Variants in RMND5B observed in about 807,000 individuals in gnomAD.
RMND5B encodes the protein required for meiotic nuclear division 5 homolog B, also known as E3 ubiquitin-protein transferase RMND5B.
RMND5B carries 42 observed loss-of-function variants against 50.4 expected under a neutral mutation model. The observed-to-expected ratio is 0.83, with a 90% confidence interval of 0.65 to 1.08. RMND5B has a LOEUF of 1.08. Ranked by LOEUF, RMND5B falls within the 50% of genes least tolerant of loss-of-function variation. The pLI is 0.00. For missense variants in RMND5B, 463 were observed against 508.5 expected (o/e 0.91, Z 0.86); for synonymous variants, 220 against 210.0 (o/e 1.05, Z -0.41).
rs1414873806 is a variant in RMND5B at position 178,144,122 on chromosome 5, C to T, written c.694+14C>T. The T allele has an allele frequency of 6.2e-7, 1 of 1,610,252 alleles. No individual in the cohort carries two copies. Among genetic ancestry groups the T allele is most frequent in the Non-Finnish European group, 8.5e-7 (1 of 1,177,638 alleles). On this transcript the variant is annotated intron_variant, in intron 7 of 10. Coordinates refer to ENST00000313386, the MANE Select transcript of RMND5B (RefSeq NM_022762.5). ...TGCACCAGCGGGGTGAGTGCCCAGG[C>T]AGCTGGGGTTGTGCTGCCTGGCCTG...
At chr5:178,134,579 G>T (rs1405321848) in intron 2 of RMND5B, among the ~76,000 whole-genome samples, 2 of 152,198 alleles carry the variant, frequency 1.3e-5, no homozygotes, top group Non-Finnish European at 2.9e-5. Context: ...GATTCAGGCA[G>T]AGTGGCTTGC....
chr5:178,135,335 G>T, intron 2 of RMND5B: 1 of 187,770 alleles, frequency 5.3e-6, no homozygotes, highest in South Asian at 6.3e-5. Context: ...TGTTGCCCAA[G>T]CTAGTCTCAA....
At chr5:178,146,013 G>A (rs1017630724) in intron 7 of RMND5B, 101 bp from the exon 8 acceptor site, 30 of 1,242,522 alleles carry the variant, frequency 2.4e-5, no homozygotes, top group African/African-American at 9.0e-5. Flanking sequence ...GGGAGCCACC[G>A]GGCTCAGCAT....
intron 3 of RMND5B, among the ~76,000 whole-genome samples, chr5:178,139,362 C>T (rs1758792468): frequency 6.6e-6 from 1 of 151,698 alleles, no homozygotes; most frequent in African/African-American, 2.4e-5. Flanking sequence ...CATGCCACCA[C>T]CTGCAGCTAA....
At chr5:178,132,904 G>T (rs948988441) in intron 2 of RMND5B, among the ~76,000 whole-genome samples, 2 of 141,352 alleles carry the variant, frequency 1.4e-5, no homozygotes, top group African/African-American at 5.3e-5. Flanking sequence ...TCACTCTGTC[G>T]CCCAGGCTGG....
chr5:178,150,485 A>T lies in RMND5B; in HGVS notation c.*2453A>T. 2.8e-6 allele frequency: 1 copy of T among 359,120 alleles called. No homozygotes were observed. Among genetic ancestry groups the T allele is most frequent in the Non-Finnish European group, 5.5e-6 (1 of 183,252 alleles). 22.2% of individuals were successfully genotyped at this position (359,120 alleles called of 1,614,324 possible). A position where few individuals can be genotyped will look rare whatever the true frequency, so the allele number is the denominator to read the frequency against. ...AGCCTTGAACTCCTGGGTTCAAGTG[A>T]TCTCCTGCTTTAGCCTCCCAAGTGG... On this transcript the variant is annotated 3_prime_UTR_variant, in exon 11 of 11. Transcript: ENST00000313386.
chr5:178,139,102 C>T (rs1357048358), intron 3 of RMND5B, among the ~76,000 whole-genome samples: 1 of 152,104 alleles, frequency 6.6e-6, no homozygotes, highest in African/African-American at 2.4e-5. Flanking sequence ...CGCCACTGCA[C>T]TCCAACCTGG....
rs142189994 is a variant in RMND5B, at chr5:178,149,487, C to T, written c.*1455C>T. On this transcript the variant is annotated 3_prime_UTR_variant, in exon 11 of 11. Transcript: ENST00000313386. ...ATTTTAGTCTTAGCATTTACTTTCC[C>T]CACCCCACATTCTTGGAACAGCCTT... 1.3e-3 allele frequency: 700 copies of T among 540,018 alleles called. 3 individuals are homozygous for T. Among genetic ancestry groups the T allele is most frequent in the African/African-American group, 0.012 (615 of 52,162 alleles). The allele number at this position is 540,018 out of a possible 1,614,324, so 33.5% of individuals were successfully genotyped here. A position where few individuals can be genotyped will look rare whatever the true frequency, so the allele number is the denominator to read the frequency against.
In RMND5B at chr5:178,149,758, G is replaced by T; in HGVS notation, c.*1726G>T. 6.2e-7 allele frequency: 1 copy of T among 1,614,072 alleles called. No homozygotes were observed. The highest frequency in any genetic ancestry group is 2.2e-5 in the East Asian group (1 of 44,870). On this transcript the variant is annotated 3_prime_UTR_variant, in exon 11 of 11. Coordinates refer to ENST00000313386, the MANE Select transcript of RMND5B (RefSeq NM_022762.5). ...ACTGCACCTCCTCCAGGCACTCATCGTAAGCCTCCTGGTACTCCTCATGGG... is the reference window on the plus strand; with the variant it reads ...ACTGCACCTCCTCCAGGCACTCATCTTAAGCCTCCTGGTACTCCTCATGGG...
Position 178,138,346 on chromosome 5 carries a change from G to A in RMND5B, c.139+88G>A, listed in dbSNP as rs774697673. ...CTACTGAGTGACAGGGTTCCGGAAGGACGATGATGAGGATGTTGGTACCTG... is the reference window on the plus strand; with the variant it reads ...CTACTGAGTGACAGGGTTCCGGAAGAACGATGATGAGGATGTTGGTACCTG... On this transcript the variant is annotated intron_variant, in intron 3 of 10. Transcript: ENST00000313386. The surrounding 1 kb of genome is among the most constrained non-coding windows in gnomAD (Gnocchi z 5.1). 22 of 1,513,800 alleles carry A rather than the reference G, an allele frequency of 1.5e-5. No homozygotes were observed. In the African/African-American group the frequency reaches 2.6e-4, roughly 18 times the overall value. 93.8% of individuals were successfully genotyped at this position (1,513,800 alleles called of 1,614,324 possible).
In RMND5B at chr5:178,138,009, T is replaced by C. The variant is rs531400880; in HGVS notation, c.-12-99T>C. The C allele has an allele frequency of 1.9e-6, 2 of 1,026,102 alleles. No individual in the cohort carries two copies. The highest frequency in any genetic ancestry group is 5.3e-5 in the East Asian group (2 of 38,066). 63.6% of individuals were successfully genotyped at this position (1,026,102 alleles called of 1,614,324 possible). ...CAAAACATATAACATTGATACATGA[T>C]GTGGGAATGGTGAGAGGGATCTGAA... On this transcript the variant is annotated intron_variant, in intron 2 of 10. Coordinates refer to ENST00000313386, the MANE Select transcript of RMND5B (RefSeq NM_022762.5). This position sits in a 1 kb window ranked among gnomAD's most constrained non-coding sequence, Gnocchi z 5.1.
At chr5:178,145,249 G>A (rs1182199405) in intron 7 of RMND5B, among the ~76,000 whole-genome samples, 1 of 152,016 alleles carries the variant, frequency 6.6e-6, no homozygotes, top group Non-Finnish European at 1.5e-5. Context: ...CACTTTGGGA[G>A]GCTGAGGCGG....
Position 178,142,717 on chromosome 5 carries a change from G to A in RMND5B, c.274G>A (p.Ala92Thr). 1 of 1,614,250 alleles carries A rather than the reference G, an allele frequency of 6.2e-7. No homozygotes were observed. The highest frequency in any genetic ancestry group is 1.7e-5 in the Admixed American group (1 of 60,026). ...CAGCAGTGTATCCCGAGTGGGCAAA[G>A]CCATTGACAGGGTGAGCACGTGGCC... ...IHSSVSRVGK[A>T]IDRNFDSEIC... Residue 92 changes from alanine (A) to threonine (T), a missense_variant, in exon 4 of 11, where the codon GCC (alanine) becomes ACC (threonine). By Grantham distance (58) the Ala-to-Thr change is moderately conservative. Coordinates refer to ENST00000313386, the MANE Select transcript of RMND5B (RefSeq NM_022762.5).
rs1759026043 is a variant in RMND5B, at chr5:178,142,867, A to G, written c.301A>G (p.Ile101Val). The change falls in exon 5 of 11, where the codon ATC becomes GTC. Residue 101 changes from isoleucine (I) to valine (V), a missense_variant. Transcript: ENST00000313386. The part of the protein sequence containing the change: ...KAIDRNFDSE[I>V]CGVVSDAVWD... The stretch of plus-strand genomic sequence containing the variant: ...CCTTCGTCAGAACTTCGACTCTGAG[A>G]TCTGTGGTGTTGTGTCAGATGCGGT... The G allele has an allele frequency of 1.2e-6, 2 of 1,614,204 alleles. No homozygotes were observed. The highest frequency in any genetic ancestry group is 1.7e-6 in the Non-Finnish European group (2 of 1,180,036).
At position 178,150,043 on chromosome 5, in the gene RMND5B, A is replaced by C; in HGVS notation, c.*2011A>C. 1 of 507,782 alleles carries C rather than the reference A, an allele frequency of 2.0e-6. No individual in the cohort carries two copies. 31.5% of individuals were successfully genotyped at this position (507,782 alleles called of 1,614,324 possible). ...CATGGTCCAGCCACACAGGGCCTAC[A>C]TTCCCACATGGCAACTATGAAAGGG... On this transcript the variant is annotated 3_prime_UTR_variant, in exon 11 of 11. Coordinates refer to ENST00000313386, the MANE Select transcript of RMND5B (RefSeq NM_022762.5).
chr5:178,136,460 T>A (rs1758626813), intron 2 of RMND5B, among the ~76,000 whole-genome samples: 1 of 152,088 alleles, frequency 6.6e-6, no homozygotes, highest in Non-Finnish European at 1.5e-5. Flanking sequence ...GCTTCTGGAC[T>A]CTCTGACTAT....
At chr5:178,143,509 C>G in intron 5 of RMND5B, 118 bp from the exon 6 acceptor site, 2 of 803,970 alleles carry the variant, frequency 2.5e-6, no homozygotes. Flanking sequence ...CCAAGCTCCT[C>G]AAGCAAAGCC....
rs367905156 is a variant in RMND5B at position 178,142,655 on chromosome 5, C to T, written c.212C>T (p.Thr71Met). Residue 71 changes from threonine to methionine, a missense_variant, in exon 4 of 11, where the codon ACG (threonine) becomes ATG (methionine). By Grantham distance (81) the Thr-to-Met change is moderately conservative (BLOSUM62 -1). Coordinates refer to ENST00000313386, the MANE Select transcript of RMND5B (RefSeq NM_022762.5). ...MSQCCRKIKDTVQKLASDHKD... is the reference protein window; with the variant it reads ...MSQCCRKIKDMVQKLASDHKD... ...CAGTGCTGCCGGAAGATCAAAGATACGGTGCAGAAACTGGCTTCGGACCAT... is the reference window on the plus strand; with the variant it reads ...CAGTGCTGCCGGAAGATCAAAGATATGGTGCAGAAACTGGCTTCGGACCAT... 2.5e-5 allele frequency: 40 copies of T among 1,614,214 alleles called. No homozygotes were observed. The highest frequency in any genetic ancestry group is 2.1e-4 in the African/African-American group (16 of 75,062).
intron 8 of RMND5B, 33 bp from the exon 9 acceptor site, chr5:178,147,500 T>C: frequency 6.3e-7 from 1 of 1,590,652 alleles, no homozygotes; most frequent in South Asian, 1.1e-5. Context: ...TGCTGTGATC[T>C]GAGCCACTCT....
Sources: gnomAD v4.1 joint callset for allele counts (sites outside exome capture counted in the v4.1 genomes callset) on GRCh38, gnomAD v4.1.1 for gene constraint, Gnocchi (gnomAD v3.1) non-coding constraint, MANE v1.5 for transcripts, NCBI Gene and HGNC (gene_info 2026-07-23, HGNC 2026-07-21) for gene names.